LRPAP1: variants seen among roughly 807,000 people sequenced by gnomAD.
LRPAP1 encodes LDL receptor related protein associated protein 1.
Under a neutral mutation model 39.9 loss-of-function variants are expected in LRPAP1, and 41 were observed. The observed-to-expected ratio is 1.03, with a 90% CI of 0.80 to 1.33. LRPAP1 has a LOEUF of 1.33. Ranked by LOEUF, LRPAP1 falls within the 40% of genes most tolerant of loss-of-function variation. The pLI is 0.00. For missense variants in LRPAP1, 565 were observed against 482.3 expected (o/e 1.17, Z -1.61); for synonymous variants, 263 against 212.7 (o/e 1.24, Z -2.06).
chr4:3,532,041 G>A (rs1730270008), intron 1 of LRPAP1, 168 bp downstream of exon 1: 1 of 745,458 alleles, frequency 1.3e-6, no homozygotes. Flanking sequence ...AAGGGGTCGG[G>A]GCGCCCCACC....
In LRPAP1 at chr4:3,504,716, C is replaced by G. The variant is rs1338178223; in HGVS notation, c.*8258G>C. 8.0e-6 allele frequency among the ~76,000 whole-genome samples: 1 copy of G among 125,444 alleles called. No individual in the cohort carries two copies. Among genetic ancestry groups the G allele is most frequent in the East Asian group, 2.6e-4 (1 of 3,910 alleles). The allele number at this position is 125,444 out of a possible 152,430, so 82.3% of individuals were successfully genotyped here. On this transcript the variant is annotated 3_prime_UTR_variant, in exon 8 of 8. Transcript: ENST00000650182. ...AGTGAGCCAAGATTGCGCCATTGCA[C>G]TGCAGCCTGAGCAATTGAGATTCCA...
chr4:3,518,711 T>C (rs1337720910), intron 4 of LRPAP1, among the ~76,000 whole-genome samples, 160 bp downstream of exon 4: 1 of 151,502 alleles, frequency 6.6e-6, no homozygotes, highest in Non-Finnish European at 1.5e-5. Flanking sequence ...ACAAGTCCGG[T>C]GGAACCCTGG....
chr4:3,531,794 T>C (rs1038847027), intron 1 of LRPAP1, among the ~76,000 whole-genome samples: 2 of 152,280 alleles, frequency 1.3e-5, no homozygotes, highest in Admixed American at 6.5e-5. Context: ...CTTCTGTCCC[T>C]GGACACGTCT....
intron 5 of LRPAP1, 114 bp from the exon 6 acceptor site, chr4:3,516,312 C>T (rs111617934): frequency 0.032 from 23,877 of 745,014 alleles, 510 homozygotes; most frequent in Non-Finnish European, 0.035. Context: ...CAGGCGCGAC[C>T]TGCATGTGTG....
chr4:3,505,985 A>G lies in LRPAP1; in HGVS notation c.*6989T>C, dbSNP rs1729343178. 6.6e-6 allele frequency among the ~76,000 whole-genome samples: 1 copy of G among 151,868 alleles called. No individual in the cohort carries two copies. Among genetic ancestry groups the G allele is most frequent in the Non-Finnish European group, 1.5e-5 (1 of 67,970 alleles). On this transcript the variant is annotated 3_prime_UTR_variant, in exon 8 of 8. Transcript: ENST00000650182. ...TTCCAGCCCCGGAGGAGCTGAACCT[A>G]GAGATACCTGGAAACCCAGCTTAGG... is the stretch of plus-strand genomic sequence containing the variant.
chr4:3,516,057 A>T, intron 6 of LRPAP1, 59 bp downstream of exon 6: 1 of 1,494,064 alleles, frequency 6.7e-7, no homozygotes, highest in Non-Finnish European at 9.1e-7. Flanking sequence ...TTACCCGGAA[A>T]CTGCAAGAGA....
intron 5 of LRPAP1, 29 bp from the exon 6 acceptor site, chr4:3,516,227 G>A: frequency 1.3e-6 from 2 of 1,534,018 alleles, no homozygotes; most frequent in Admixed American, 2.0e-5. Context: ...AGTGGCCTCA[G>A]CAGCACCCGG....
At chr4:3,528,901 G>T (rs897091956) in intron 1 of LRPAP1, among the ~76,000 whole-genome samples, 1 of 152,218 alleles carries the variant, frequency 6.6e-6, no homozygotes, top group Non-Finnish European at 1.5e-5. Flanking sequence ...AGCCAGGGGG[G>T]ACGCTTGAGA....
intron 1 of LRPAP1, among the ~76,000 whole-genome samples, chr4:3,529,828 G>C (rs1286467411): frequency 2.6e-5 from 4 of 152,138 alleles, no homozygotes; most frequent in Non-Finnish European, 5.9e-5. Context: ...GACACACTAC[G>C]CAATCCTATA....
At chr4:3,532,168 CG>C in intron 1 of LRPAP1, 40 bp downstream of exon 1, 1 of 1,543,266 alleles carries the variant, frequency 6.5e-7, no homozygotes, top group Non-Finnish European at 8.8e-7. Context: ...CCACGGCCCC[CG>C]CCCCCAGGCC....
Position 3,516,172 on chromosome 4 carries a change from G to A in LRPAP1, c.778C>T (p.Leu260=). The change falls in exon 6 of 8, where the codon CTG becomes TTG. Residue 260 remains leucine, a synonymous_variant. Transcript: ENST00000650182. The part of the protein sequence containing the change: ...AEFEEPRVID[L]WDLAQSANLT... ...TTGGCGGACTGCGCCAGGTCCCACA[G>A]GTCAATCACCCTGGGCTCCTCGAAC... is the stretch of plus-strand genomic sequence containing the variant. 1 of 1,580,962 alleles carries A rather than the reference G, an allele frequency of 6.3e-7. No individual in the cohort carries two copies. The highest frequency in any genetic ancestry group is 1.2e-5 in the South Asian group (1 of 86,284).
At chr4:3,522,112 G>C (rs946489924) in intron 2 of LRPAP1, among the ~76,000 whole-genome samples, 36 of 152,276 alleles carry the variant, frequency 2.4e-4, no homozygotes, top group African/African-American at 8.4e-4. Context: ...TGCCAGGCCT[G>C]CCTGTGAAGG....
At chr4:3,527,143 G>A (rs940441543) in intron 1 of LRPAP1, among the ~76,000 whole-genome samples, 1 of 152,046 alleles carries the variant, frequency 6.6e-6, no homozygotes, top group South Asian at 2.1e-4. Context: ...TGCTTTCCAG[G>A]ATTGTCCCAA....
intron 1 of LRPAP1, 35 bp from the exon 2 acceptor site, chr4:3,525,086 G>A (rs763993698): frequency 6.2e-6 from 10 of 1,612,220 alleles, no homozygotes; most frequent in Non-Finnish European, 8.5e-6. Flanking sequence ...TGAGCCACGA[G>A]CAGGACGGAC....
At chr4:3,516,740 A>G (rs6832834) in intron 5 of LRPAP1, among the ~76,000 whole-genome samples, 3,327 of 152,328 alleles carry the variant, frequency 0.022, 50 homozygotes, top group Middle Eastern at 0.078. Context: ...GAAGGGACGC[A>G]GTGAGAGACT....
At chr4:3,514,670 G>A in intron 7 of LRPAP1, 82 bp downstream of exon 7, 1 of 1,492,822 alleles carries the variant, frequency 6.7e-7, no homozygotes, top group Non-Finnish European at 8.9e-7. Context: ...CCCATCTACA[G>A]GAAGCCCTGA....
At chr4:3,516,276 G>A in intron 5 of LRPAP1, 78 bp from the exon 6 acceptor site, 3 of 1,113,258 alleles carry the variant, frequency 2.7e-6, no homozygotes, top group East Asian at 2.9e-5. Flanking sequence ...ACCACGCTGA[G>A]TGTGCGTGGA....
intron 7 of LRPAP1, among the ~76,000 whole-genome samples, chr4:3,514,018 T>G (rs1266795455): frequency 6.6e-6 from 1 of 152,176 alleles, no homozygotes. Flanking sequence ...AGGTGCACGC[T>G]AGCATTCCAT....
intron 5 of LRPAP1, 116 bp from the exon 6 acceptor site, chr4:3,516,314 G>C: frequency 1.4e-6 from 1 of 700,458 alleles, no homozygotes. Context: ...GGCGCGACCT[G>C]CATGTGTGTG....
Sources: gnomAD v4.1 joint callset for allele counts (sites outside exome capture counted in the v4.1 genomes callset) on GRCh38, gnomAD v4.1.1 for gene constraint, MANE v1.5 for transcripts, NCBI Gene and HGNC (gene_info 2026-07-23, HGNC 2026-07-21) for gene names.